The following DEPTOR variants were observed in gnomAD, a reference collection of about 807,000 sequenced individuals.
DEPTOR encodes the protein DEP domain-containing mTOR-interacting protein.
In DEPTOR, 41 loss-of-function variants were observed where a neutral mutation model predicts 41.6. The ratio of observed to expected loss-of-function variants is 0.98; its 90% CI spans 0.77 to 1.28. The LOEUF (loss-of-function observed/expected upper bound fraction) is 1.28, where lower values mean the gene tolerates loss of function less well. DEPTOR is among the 50% of genes most tolerant of loss of function. The pLI, the probability that DEPTOR is intolerant of heterozygous loss-of-function variation, is 0.00. For missense variants in DEPTOR, 514 were observed against 527.9 expected, an observed-to-expected ratio of 0.97 and a Z score of 0.26; for synonymous variants, 195 against 192.3, an observed-to-expected ratio of 1.01 and a Z score of -0.12.
chr8:119,932,732 G>C (rs1828060949), intron 3 of DEPTOR, among the ~76,000 whole-genome samples: 2 of 152,156 alleles, frequency 1.3e-5, no homozygotes, highest in African/African-American at 2.4e-5. Flanking sequence ...TATAATACAG[G>C]TGTCGTCGGT....
At chr8:120,012,833 C>A (rs1374299918) in intron 8 of DEPTOR, among the ~76,000 whole-genome samples, 1 of 151,704 alleles carries the variant, frequency 6.6e-6, no homozygotes, top group African/African-American at 2.4e-5. Flanking sequence ...CCACGCCCAG[C>A]CGAATTTTTT....
chr8:119,895,464 A>C (rs891619330), intron 1 of DEPTOR, among the ~76,000 whole-genome samples: 10 of 152,218 alleles, frequency 6.6e-5, no homozygotes, highest in African/African-American at 2.4e-4. Flanking sequence ...TGAGTTGGGC[A>C]GGTACATCAA....
At chr8:119,967,967 G>C (rs1828584561) in intron 4 of DEPTOR, among the ~76,000 whole-genome samples, 1 of 152,106 alleles carries the variant, frequency 6.6e-6, no homozygotes, top group Non-Finnish European at 1.5e-5. Context: ...GCTTTCTCCT[G>C]TGCAGTTCTG....
chr8:119,988,822 A>G (rs1828862244), intron 4 of DEPTOR, among the ~76,000 whole-genome samples: 1 of 152,006 alleles, frequency 6.6e-6, no homozygotes. Context: ...TGTTCCTCCA[A>G]TTCATTTTAT....
intron 3 of DEPTOR, among the ~76,000 whole-genome samples, chr8:119,934,458 C>T (rs547313077): frequency 1.3e-5 from 2 of 152,336 alleles, no homozygotes; most frequent in Non-Finnish European, 2.9e-5. Context: ...GCTCTGGAGT[C>T]ACACAGCCTG....
At chr8:119,892,155 C>T (rs1250171702) in intron 1 of DEPTOR, among the ~76,000 whole-genome samples, 3 of 152,140 alleles carry the variant, frequency 2.0e-5, no homozygotes, top group Non-Finnish European at 2.9e-5. Context: ...CGTGCCACCA[C>T]GCCCAGCTAA....
intron 4 of DEPTOR, among the ~76,000 whole-genome samples, chr8:119,982,680 A>C (rs1210811647): frequency 6.6e-6 from 1 of 152,102 alleles, no homozygotes; most frequent in African/African-American, 2.4e-5. Flanking sequence ...GGCGCTGTCC[A>C]TCTCTCTCTC....
chr8:119,977,646 A>G (rs1347998463), intron 4 of DEPTOR, among the ~76,000 whole-genome samples: 1 of 152,198 alleles, frequency 6.6e-6, no homozygotes, highest in Non-Finnish European at 1.5e-5. Flanking sequence ...AGGTTGCTTG[A>G]TAGAGGGCCA....
rs541842765 is a variant in DEPTOR at position 120,000,987 on chromosome 8, G to T, written c.605-538G>T. On this transcript the variant is annotated intron_variant, in intron 4 of 8. Coordinates refer to ENST00000286234, the MANE Select transcript of DEPTOR (RefSeq NM_022783.4). ...AGCTACTCGGGAGGCTGAGACAGGA[G>T]AATCGCTTGAACCTGGGAGGCGGAG... Among the ~76,000 whole-genome samples, 7 of 151,936 alleles carry T rather than the reference G, an allele frequency of 4.6e-5. No homozygotes were observed. In the South Asian group the frequency reaches 1.5e-3, roughly 32 times the overall value.
chr8:119,992,772 T>G lies in DEPTOR; in HGVS notation c.605-8753T>G, dbSNP rs1812191685. Among the ~76,000 whole-genome samples the G allele has an allele frequency of 3.3e-5, 5 of 151,158 alleles. 1 individual carries two copies. The South Asian group carries it at 1.1e-3, about 32-fold the overall frequency. ...CCTGGGTTCAAGTGATTCTCGTGCC[T>G]CAGTCTCCCAAGTAGCTGGAATTAC... On this transcript the variant is annotated intron_variant, in intron 4 of 8. Transcript: ENST00000286234.
intron 8 of DEPTOR, among the ~76,000 whole-genome samples, chr8:120,026,941 G>C (rs958642794): frequency 6.6e-6 from 1 of 152,076 alleles, no homozygotes; most frequent in Non-Finnish European, 1.5e-5. Context: ...AATGCCTACC[G>C]GGTGTGGTGG....
intron 1 of DEPTOR, among the ~76,000 whole-genome samples, chr8:119,898,281 C>T (rs1000168085): frequency 2.6e-5 from 4 of 152,076 alleles, no homozygotes; most frequent in Admixed American, 1.3e-4. Flanking sequence ...GTGTTGTGTA[C>T]GTGTGTGAAT....
At chr8:120,027,153 G>A (rs766364759) in intron 8 of DEPTOR, among the ~76,000 whole-genome samples, 1 of 151,674 alleles carries the variant, frequency 6.6e-6, no homozygotes, top group Non-Finnish European at 1.5e-5. Flanking sequence ...GGGAGACGGA[G>A]GTTGCGGTGA....
In DEPTOR at chr8:119,912,420, TGCCAGG is replaced by T. The variant is rs765265225; in HGVS notation, c.123-15979_123-15974del. Among the ~76,000 whole-genome samples the T allele has an allele frequency of 7.7e-4, 118 of 152,362 alleles. 2 individuals are homozygous for T. The highest frequency in any genetic ancestry group is 5.9e-5 in the Non-Finnish European group (4 of 68,028). On this transcript the variant is annotated intron_variant, in intron 1 of 8. Coordinates refer to ENST00000286234, the MANE Select transcript of DEPTOR (RefSeq NM_022783.4). ...CCAGCATGAACAGTTGTTTAAGCTATGCCAGGTATGCAGTTGGGAATCAATAAATGT... is the reference window on the plus strand; with the variant it reads ...CCAGCATGAACAGTTGTTTAAGCTATTATGCAGTTGGGAATCAATAAATGT...
intron 3 of DEPTOR, among the ~76,000 whole-genome samples, chr8:119,936,429 G>T (rs891675589): frequency 6.6e-6 from 1 of 152,162 alleles, no homozygotes; most frequent in Non-Finnish European, 1.5e-5. Context: ...AGCAACAATA[G>T]CCAGAATTCA....
intron 3 of DEPTOR, among the ~76,000 whole-genome samples, chr8:119,931,993 T>C (rs995486331): frequency 7.0e-6 from 1 of 141,902 alleles, no homozygotes; most frequent in African/African-American, 2.6e-5. Flanking sequence ...ATTATTATTA[T>C]TTTATAAAGA....
intron 1 of DEPTOR, among the ~76,000 whole-genome samples, chr8:119,889,732 T>C (rs974132846): frequency 6.7e-6 from 1 of 148,738 alleles, no homozygotes; most frequent in Non-Finnish European, 1.5e-5. Context: ...GCAAGGGGGC[T>C]TAAGACCATA....
chr8:119,996,675 TAATCTC>T (rs1269505046), intron 4 of DEPTOR, among the ~76,000 whole-genome samples: 1 of 152,192 alleles, frequency 6.6e-6, no homozygotes, highest in South Asian at 2.1e-4. Flanking sequence ...CATTTAAAAA[TAATCTC>T]AAAGTACTTT....
chr8:119,918,234 G>C (rs1827839374), intron 1 of DEPTOR, among the ~76,000 whole-genome samples: 1 of 152,094 alleles, frequency 6.6e-6, no homozygotes, highest in Non-Finnish European at 1.5e-5. Context: ...AAAACCCACA[G>C]GTGTGGAGGG....
Sources: allele counts gnomAD v4.1 joint callset (sites outside exome capture counted in the v4.1 genomes callset), GRCh38; gene constraint gnomAD v4.1.1; transcripts MANE v1.5; gene names NCBI Gene and HGNC (gene_info 2026-07-23, HGNC 2026-07-21).